The following AARS2 variants were observed in gnomAD, a reference collection of about 807,000 sequenced individuals.
The protein encoded by AARS2 is alanyl-tRNA synthetase 2, mitochondrial, also known as alanine--tRNA ligase, mitochondrial.
AARS2 carries 78 observed loss-of-function variants against 119.7 expected under a neutral mutation model. The ratio of observed to expected loss-of-function variants is 0.65; its 90% CI spans 0.54 to 0.79. The LOEUF (loss-of-function observed/expected upper bound fraction) is 0.79. Ranked by LOEUF, AARS2 falls within the 30% of genes least tolerant of loss-of-function variation. The pLI, the probability that AARS2 is intolerant of heterozygous loss-of-function variation, is 0.00. For missense variants in AARS2, 1,157 were observed against 1,291.3 expected (o/e 0.90, Z 1.59); for synonymous variants, 502 against 526.3 (o/e 0.95, Z 0.63).
chr6:44,299,190 A>T lies in AARS2; in HGVS notation c.*1357T>A, dbSNP rs1785161327. On this transcript the variant is annotated 3_prime_UTR_variant, in exon 22 of 22. Transcript: ENST00000244571. ...TGTCACCTCTTGGTGAGGGAATATC[A>T]CCATCCACACTCCTGATCCCCATTC... Among the ~76,000 whole-genome samples the T allele has an allele frequency of 6.6e-6, 1 of 151,846 alleles. No homozygotes were observed. Among genetic ancestry groups the T allele is most frequent in the Non-Finnish European group, 1.5e-5 (1 of 67,974 alleles).
At chr6:44,301,340 C>A in intron 20 of AARS2, 41 bp downstream of exon 20, 1 of 1,613,320 alleles carries the variant, frequency 6.2e-7, no homozygotes, top group South Asian at 1.1e-5. Context: ...GGACTTTGCC[C>A]TCCCCAGACC....
rs775551893 is a variant in AARS2 at position 44,302,868 on chromosome 6, G to C, written c.2298C>G (p.Ile766Met). 6.2e-7 allele frequency: 1 copy of C among 1,614,156 alleles called. No individual in the cohort carries two copies. The highest frequency in any genetic ancestry group is 1.7e-5 in the Admixed American group (1 of 60,028). ...TGCCCTTGGAAAGCTGGCGGTCCCC[G>C]ATGATAACCAGGTCCCCTACAGCCC... ...RTGAVGDLVI[I>M]GDRQLSKGTT... Residue 766 changes from isoleucine to methionine, a missense_variant, in exon 17 of 22, where the codon ATC becomes ATG. Coordinates refer to ENST00000244571, the MANE Select transcript of AARS2 (RefSeq NM_020745.4).
Position 44,310,298 on chromosome 6 carries a change from CCTG to C in AARS2, c.892_894del (p.Gln298del). ...GCTTCTGGAAGGGAAGAGGCACTCA[CCTG>C]CTGTATGGCGTTGAGCAGCGGGGAA... On this transcript the variant is annotated inframe_deletion and splice_region_variant, in exon 5 of 22. Transcript: ENST00000244571. 6.3e-7 allele frequency: 1 copy of C among 1,593,698 alleles called. No homozygotes were observed.
In AARS2 at chr6:44,303,312, C is replaced by G. The variant is rs1350987167; in HGVS notation, c.2119G>C (p.Val707Leu). 2 of 1,614,096 alleles carry G rather than the reference C, an allele frequency of 1.2e-6. No individual in the cohort carries two copies. The highest frequency in any genetic ancestry group is 2.2e-5 in the East Asian group (1 of 44,886). Residue 707 changes from valine (V) to leucine (L), a missense_variant, in exon 15 of 22, where the codon GTC (valine) becomes CTC (leucine). Transcript: ENST00000244571. ...TCATCCAGAGAGCGCAGGCCAGGGA[C>G]CTGGGCAGTGAGCGCCAGGGGCACC... is the stretch of plus-strand genomic sequence containing the variant. ...EEVPLALTAQVPGLRSLDEVY... is the reference protein window; with the variant it reads ...EEVPLALTAQLPGLRSLDEVY...
In AARS2 at chr6:44,310,396, G is replaced by A. The variant is rs750240118; in HGVS notation, c.797C>T (p.Thr266Ile). 5 of 1,614,030 alleles carry A rather than the reference G, an allele frequency of 3.1e-6. No individual in the cohort carries two copies. Among genetic ancestry groups the A allele is most frequent in the South Asian group, 1.1e-5 (1 of 91,082 alleles). The change falls in exon 5 of 22, where the codon ACA becomes ATA. Residue 266 changes from threonine to isoleucine, a missense_variant. Thr to Ile is a moderately conservative substitution (Grantham distance 89). Transcript: ENST00000244571. ...CACCAGCCTTTCCAGGCCCATTCCT[G>A]TGTCCACATGCCGCTGGGGCAGGGG... is the stretch of plus-strand genomic sequence containing the variant. Reference protein sequence around the residue: ...LQPLPQRHVDTGMGLERLVAV... With the variant: ...LQPLPQRHVDIGMGLERLVAV...
At chr6:44,312,964 CCT>C (rs1442837027) in intron 1 of AARS2, 115 bp downstream of exon 1, 3 of 1,489,716 alleles carry the variant, frequency 2.0e-6, no homozygotes, top group African/African-American at 2.8e-5. Context: ...CAAGCACCGC[CCT>C]CTTTCCCCAA....
chr6:44,306,448 C>A lies in AARS2; in HGVS notation c.1188+46G>T, dbSNP rs201577696. The A allele has an allele frequency of 3.7e-6, 6 of 1,613,958 alleles. No homozygotes were observed. In the South Asian group the frequency reaches 6.6e-5, roughly 18 times the overall value. ...TCTCCTTGGAAGGAGGGTCTCTCTC[C>A]ACAACTCTCCCATCAACCCCTTTCT... is the stretch of plus-strand genomic sequence containing the variant. On this transcript the variant is annotated intron_variant, in intron 8 of 21. Coordinates refer to ENST00000244571, the MANE Select transcript of AARS2 (RefSeq NM_020745.4).
At chr6:44,301,101 C>G in intron 21 of AARS2, 55 bp downstream of exon 21, 1 of 1,497,236 alleles carries the variant, frequency 6.7e-7, no homozygotes, top group Non-Finnish European at 9.2e-7. Context: ...AATCAGAGAG[C>G]TGGACCAGGA....
At chr6:44,308,609 A>T (rs1026139724) in intron 5 of AARS2, among the ~76,000 whole-genome samples, 3 of 150,826 alleles carry the variant, frequency 2.0e-5, no homozygotes, top group Admixed American at 6.6e-5. Context: ...TTATTTATTT[A>T]TTTTTTTTGA....
chr6:44,298,921 CT>C lies in AARS2; in HGVS notation c.*1625del, dbSNP rs945022666. 6.6e-6 allele frequency among the ~76,000 whole-genome samples: 1 copy of C among 152,004 alleles called. No individual in the cohort carries two copies. The highest frequency in any genetic ancestry group is 2.4e-5 in the African/African-American group (1 of 41,370). On this transcript the variant is annotated 3_prime_UTR_variant, in exon 22 of 22. Coordinates refer to ENST00000244571, the MANE Select transcript of AARS2 (RefSeq NM_020745.4). ...GGCTTTCCTCCATCTCTGCTTCCTC[CT>C]GCTTTGAAGTGCCAATTTTCAGCTT...
At chr6:44,301,510 G>A in intron 19 of AARS2, 46 bp from the exon 20 acceptor site, 2 of 1,552,170 alleles carry the variant, frequency 1.3e-6, no homozygotes, top group Admixed American at 1.7e-5. Context: ...TGAGAGGCAG[G>A]TTTCCAATTA....
chr6:44,306,277 T>A lies in AARS2; in HGVS notation c.1300+3A>T. The A allele has an allele frequency of 6.2e-7, 1 of 1,613,940 alleles. No homozygotes were observed. Among genetic ancestry groups the A allele is most frequent in the Non-Finnish European group, 8.5e-7 (1 of 1,179,870 alleles). On this transcript the variant is annotated splice_donor_region_variant and intron_variant, in intron 9 of 21. Transcript: ENST00000244571. ...TTGTGCATGGGCTAGGTATCCTGCT[T>A]ACCAGGGAACATATCTGAAGGCCCC...
chr6:44,313,345 T>C lies in AARS2; in HGVS notation c.-22A>G, dbSNP rs1786544270. 1 of 1,596,958 alleles carries C rather than the reference T, an allele frequency of 6.3e-7. No individual in the cohort carries two copies. Among genetic ancestry groups the C allele is most frequent in the Non-Finnish European group, 8.5e-7 (1 of 1,178,688 alleles). ...CCATCGTAGCTCCGGGCAGTGACTT[T>C]ACGTGGTCAAAGAGTGACGAGGGAA... On this transcript the variant is annotated 5_prime_UTR_variant, in exon 1 of 22. Coordinates refer to ENST00000244571, the MANE Select transcript of AARS2 (RefSeq NM_020745.4).
intron 5 of AARS2, 53 bp downstream of exon 5, chr6:44,310,246 T>G (rs779463506): frequency 6.5e-7 from 1 of 1,548,056 alleles, no homozygotes; most frequent in Admixed American, 2.0e-5. Context: ...GCAATGGGGC[T>G]GAGGGCTGTG....
At chr6:44,303,791 T>A (rs1785577479) in intron 14 of AARS2, among the ~76,000 whole-genome samples, 1 of 152,124 alleles carries the variant, frequency 6.6e-6, no homozygotes, top group African/African-American at 2.4e-5. Context: ...AGCAAGTACT[T>A]CCTGGAGAAA....
Position 44,300,446 on chromosome 6 carries a change from C to T in AARS2, c.*101G>A. On this transcript the variant is annotated 3_prime_UTR_variant, in exon 22 of 22. Coordinates refer to ENST00000244571, the MANE Select transcript of AARS2 (RefSeq NM_020745.4). ...TTCTTTGGCTCAGCTGCTTGGCCTC[C>T]AGCCTCTAGTCCTCGCTTCAGCATG... is the stretch of plus-strand genomic sequence containing the variant. The T allele has an allele frequency of 4.5e-6, 7 of 1,552,336 alleles. No homozygotes were observed. Among genetic ancestry groups the T allele is most frequent in the Non-Finnish European group, 6.2e-6 (7 of 1,128,848 alleles).
intron 17 of AARS2, 116 bp downstream of exon 17, chr6:44,302,686 T>C: frequency 2.1e-6 from 3 of 1,446,636 alleles, no homozygotes; most frequent in Non-Finnish European, 2.9e-6. Context: ...GCCACATTGG[T>C]GTCCAAGTAT....
In AARS2 at chr6:44,303,333, G is replaced by C; in HGVS notation, c.2098C>G (p.Pro700Ala). The C allele has an allele frequency of 6.2e-7, 1 of 1,614,034 alleles. No homozygotes were observed. The highest frequency in any genetic ancestry group is 1.1e-5 in the South Asian group (1 of 91,088). ...GGGACCTGGGCAGTGAGCGCCAGGG[G>C]CACCTCCTCCATGTACACAGCCTCA... ...QDEAVYMEEV[P>A]LALTAQVPGL... Residue 700 changes from proline to alanine, a missense_variant, in exon 15 of 22, where the codon CCC (proline) becomes GCC (alanine). By Grantham distance (27) the Pro-to-Ala change is conservative. Transcript: ENST00000244571.
rs566667883 is a variant in AARS2, at chr6:44,303,156, C to A, written c.2165G>T (p.Arg722Leu). ...CACGGGCACCCCCACTGATACCACC[C>A]GCACAGGGTCTGGGTAAACCTGAGG... ...SLDEVYPDPV[R>L]VVSVGVPVAH... The change falls in exon 16 of 22, where the codon CGG (arginine) becomes CTG (leucine). Residue 722 changes from arginine (R) to leucine (L), a missense_variant. Arg to Leu is a moderately radical substitution (Grantham distance 102, BLOSUM62 -2). Coordinates refer to ENST00000244571, the MANE Select transcript of AARS2 (RefSeq NM_020745.4). The A allele has an allele frequency of 6.2e-7, 1 of 1,614,048 alleles. No homozygotes were observed. The highest frequency in any genetic ancestry group is 8.5e-7 in the Non-Finnish European group (1 of 1,180,050).
Sources: gnomAD v4.1 joint callset for allele counts (sites outside exome capture counted in the v4.1 genomes callset) on GRCh38, gnomAD v4.1.1 for gene constraint, MANE v1.5 for transcripts, NCBI Gene and HGNC (gene_info 2026-07-23, HGNC 2026-07-21) for gene names.